Variants in DYNC2I1 observed in about 807,000 individuals in gnomAD.
DYNC2I1 encodes cytoplasmic dynein 2 intermediate chain 1.
In DYNC2I1, 89 loss-of-function variants were observed where a neutral mutation model predicts 133.4. That is an observed-to-expected ratio of 0.67 (90% CI 0.56 to 0.80). The LOEUF is 0.80. DYNC2I1 is among the 30% of genes least tolerant of loss of function. The pLI is 0.00. For missense variants in DYNC2I1, 1,291 were observed against 1,314.5 expected (o/e 0.98, Z 0.28); for synonymous variants, 504 against 484.3 (o/e 1.04, Z -0.54).
At chr7:158,885,201 G>T (rs1844473288) in intron 6 of DYNC2I1, among the ~76,000 whole-genome samples, 1 of 152,116 alleles carries the variant, frequency 6.6e-6, no homozygotes, top group Non-Finnish European at 1.5e-5. Flanking sequence ...GAGACCCCCA[G>T]AGCTGGGGGT....
At chr7:158,859,542 G>A (rs1467490160) in intron 1 of DYNC2I1, among the ~76,000 whole-genome samples, 2 of 151,812 alleles carry the variant, frequency 1.3e-5, no homozygotes, top group Admixed American at 1.3e-4. Flanking sequence ...TCGCTCTGTC[G>A]CCCAGGCTGG....
intron 14 of DYNC2I1, among the ~76,000 whole-genome samples, chr7:158,915,053 G>A (rs576128695): frequency 4.7e-5 from 6 of 128,734 alleles, no homozygotes; most frequent in Admixed American, 1.5e-4. Flanking sequence ...ACCTCAACAC[G>A]CTAGTTGAGA....
chr7:158,867,864 G>A (rs1424028967), intron 1 of DYNC2I1, among the ~76,000 whole-genome samples: 5 of 152,130 alleles, frequency 3.3e-5, no homozygotes, highest in Admixed American at 1.3e-4. Flanking sequence ...GCAGGAAGGC[G>A]CACAGCTGGG....
chr7:158,955,540 T>C (rs1360727703), intron 4 of DYNC2I1, among the ~76,000 whole-genome samples: 1 of 152,252 alleles, frequency 6.6e-6, no homozygotes, highest in Non-Finnish European at 1.5e-5. Flanking sequence ...CATCCACTTA[T>C]GAGCAGATTT....
chr7:158,912,501 C>G (rs1483721193), intron 12 of DYNC2I1, among the ~76,000 whole-genome samples: 1 of 152,076 alleles, frequency 6.6e-6, no homozygotes, highest in Non-Finnish European at 1.5e-5. Flanking sequence ...GCCACCCAGG[C>G]TGGATGGAGT....
At chr7:158,955,812 G>A (rs1415683956) in intron 4 of DYNC2I1, among the ~76,000 whole-genome samples, 1 of 152,186 alleles carries the variant, frequency 6.6e-6, no homozygotes, top group Non-Finnish European at 1.5e-5. Flanking sequence ...AGTGATCACA[G>A]AATAAACACA....
At chr7:158,876,090 C>G (rs549917435) in intron 3 of DYNC2I1, among the ~76,000 whole-genome samples, 1 of 152,310 alleles carries the variant, frequency 6.6e-6, no homozygotes, top group African/African-American at 2.4e-5. Context: ...TTAATTGACT[C>G]ACCATTGTGC....
In DYNC2I1 at chr7:158,856,566, C is replaced by T. The variant is rs538790546; in HGVS notation, c.-170C>T. The T allele has an allele frequency of 2.0e-5, 13 of 638,762 alleles. No homozygotes were observed. Among genetic ancestry groups the T allele is most frequent in the Admixed American group, 8.8e-5 (2 of 22,772 alleles). The allele number at this position is 638,762 out of a possible 1,614,324, so 39.6% of individuals were successfully genotyped here. ...GGATGCGCAGGCGCACTGGGAGAGG[C>T]CGCAGGGCACGCTGGGCAGTGCTTC... On this transcript the variant is annotated 5_prime_UTR_variant, in exon 1 of 25. Coordinates refer to ENST00000407559, the MANE Select transcript of DYNC2I1 (RefSeq NM_018051.5).
intron 11 of DYNC2I1, among the ~76,000 whole-genome samples, chr7:158,911,136 A>G (rs529785580): frequency 6.6e-5 from 10 of 152,306 alleles, no homozygotes; most frequent in African/African-American, 1.7e-4. Flanking sequence ...GGCCCAAAAC[A>G]CTTACTGGCT....
chr7:158,862,071 G>A (rs78160384), intron 1 of DYNC2I1, among the ~76,000 whole-genome samples: 3,311 of 152,262 alleles, frequency 0.022, 50 homozygotes, highest in Middle Eastern at 0.041. Context: ...CTTAGCGTGC[G>A]CCCTAGTTTG....
chr7:158,948,229 C>G (rs1208992374), downstream of DYNC2I1, among the ~76,000 whole-genome samples: 1 of 152,218 alleles, frequency 6.6e-6, no homozygotes, highest in Non-Finnish European at 1.5e-5. Context: ...GGAGGCGGTT[C>G]CTTCCCACCG....
At chr7:158,891,415 T>C in intron 8 of DYNC2I1, 82 bp downstream of exon 8, 1 of 1,481,764 alleles carries the variant, frequency 6.7e-7, no homozygotes, top group Non-Finnish European at 9.4e-7. Context: ...CCTGTCAGCA[T>C]TTTGCTAGTG....
chr7:158,876,599 C>T lies in DYNC2I1; in HGVS notation c.491-10C>T, dbSNP rs749218202. 51 of 1,552,656 alleles carry T rather than the reference C, an allele frequency of 3.3e-5. No individual in the cohort carries two copies. The highest frequency in any genetic ancestry group is 2.8e-4 in the African/African-American group (20 of 71,748). On this transcript the variant is annotated splice_polypyrimidine_tract_variant and intron_variant, in intron 3 of 24. Coordinates refer to ENST00000407559, the MANE Select transcript of DYNC2I1 (RefSeq NM_018051.5). ...TTGGGAGTATTAAAAATATGTTTTA[C>T]TTCTTGTAGTAAGTAAAGTAAGAAG...
At chr7:158,844,895 G>A in the DYNC2I1 span, among the ~76,000 whole-genome samples, 12 of 152,150 alleles carry the variant, frequency 7.9e-5, no homozygotes, top group African/African-American at 2.9e-4. Flanking sequence ...TGTTGGGATT[G>A]CAGGCGTGAG....
intron 16 of DYNC2I1, 105 bp from the exon 17 acceptor site, chr7:158,923,466 G>A (rs1050640420): frequency 2.3e-5 from 34 of 1,509,774 alleles, no homozygotes; most frequent in Middle Eastern, 1.7e-4. Context: ...GGTGACTCCC[G>A]TGCAAAGTGA....
rs1841245198 is a variant in DYNC2I1, at chr7:158,856,588, C to T, written c.-148C>T. ...AGGCCGCAGGGCACGCTGGGCAGTG[C>T]TTCTGGGCCCTCTGCTGCTCCTGCT... On this transcript the variant is annotated 5_prime_UTR_variant, in exon 1 of 25. Transcript: ENST00000407559. The T allele has an allele frequency of 2.5e-6, 2 of 803,126 alleles. No homozygotes were observed. The highest frequency in any genetic ancestry group is 1.8e-5 in the African/African-American group (1 of 55,804). The allele number at this position is 803,126 out of a possible 1,614,324, so 49.7% of individuals were successfully genotyped here.
At chr7:158,926,895 C>CT in intron 19 of DYNC2I1, 97 bp from the exon 20 acceptor site, 1 of 878,628 alleles carries the variant, frequency 1.1e-6, no homozygotes, top group South Asian at 1.7e-5. Flanking sequence ...GTTTTAGTAC[C>CT]TAAATAGCAC....
At position 158,871,534 on chromosome 7, in the gene DYNC2I1, G is replaced by A; in HGVS notation, c.462G>A (p.Leu154=). The A allele has an allele frequency of 6.5e-7, 1 of 1,542,166 alleles. No individual in the cohort carries two copies. The highest frequency in any genetic ancestry group is 1.4e-5 in the African/African-American group (1 of 72,868). The change falls in exon 3 of 25, where the codon CTG becomes CTA. Residue 154 remains leucine, a synonymous_variant. Coordinates refer to ENST00000407559, the MANE Select transcript of DYNC2I1 (RefSeq NM_018051.5). ...AGGAGACACGCGACCGGCAGCTCCT[G>A]GAGCGGGCGGAGAGGAAAGGCCGCT... The part of the protein sequence containing the change: ...LGQETRDRQL[L]ERAERKGRSV...
intron 14 of DYNC2I1, among the ~76,000 whole-genome samples, chr7:158,915,821 G>C (rs1286495937): frequency 2.0e-5 from 3 of 147,198 alleles, no homozygotes; most frequent in Admixed American, 6.7e-5. Flanking sequence ...TGACATTAAG[G>C]ATGATTGTGA....
Sources: allele counts gnomAD v4.1 joint callset (sites outside exome capture counted in the v4.1 genomes callset), GRCh38; gene constraint gnomAD v4.1.1; transcripts MANE v1.5; gene names NCBI Gene and HGNC (gene_info 2026-07-23, HGNC 2026-07-21).